ZNF407: variants seen among roughly 807,000 people sequenced by gnomAD.
ZNF407 encodes zinc finger protein 407.
In ZNF407, 17 loss-of-function variants were observed where a neutral mutation model predicts 131.2. The observed-to-expected ratio is 0.13, with a 90% confidence interval of 0.09 to 0.19. The LOEUF is 0.19. ZNF407 is among the 10% of genes least tolerant of loss of function. ZNF407 has a pLI of 1.00. For synonymous variants in ZNF407, 1,156 were observed against 1,062.0 expected (o/e 1.09, Z -1.72); for missense variants, 2,681 against 2,830.6 (o/e 0.95, Z 1.20).
chr18:75,032,931 T>TA, intron 8 of ZNF407, among the ~76,000 whole-genome samples: 1 of 100,482 alleles, frequency 1.0e-5, no homozygotes, highest in East Asian at 3.1e-4. Flanking sequence ...GTGCTCGGAA[T>TA]GGGGGAAGAT....
chr18:74,872,578 A>G (rs137873004), intron 4 of ZNF407, among the ~76,000 whole-genome samples: 231 of 152,058 alleles, frequency 1.5e-3, no homozygotes, highest in African/African-American at 5.1e-3. Flanking sequence ...TGTGGCCAAC[A>G]TGGTGAAACC....
At chr18:74,891,658 CAT>C (rs1188335865) in intron 7 of ZNF407, among the ~76,000 whole-genome samples, 3 of 152,144 alleles carry the variant, frequency 2.0e-5, no homozygotes, top group South Asian at 2.1e-4. Flanking sequence ...TAGAGGTAGA[CAT>C]AGAAATTCTA....
At chr18:74,978,568 A>G (rs985688217) in intron 8 of ZNF407, among the ~76,000 whole-genome samples, 8 of 152,132 alleles carry the variant, frequency 5.3e-5, no homozygotes, top group African/African-American at 1.9e-4. Context: ...GACGGGTTGC[A>G]GATGACTTCC....
intron 8 of ZNF407, among the ~76,000 whole-genome samples, chr18:75,046,002 C>T (rs916949450): frequency 7.2e-5 from 11 of 152,180 alleles, no homozygotes; most frequent in Non-Finnish European, 1.0e-4. Context: ...CCAACCAGCT[C>T]CAACATGGCT....
intron 3 of ZNF407, among the ~76,000 whole-genome samples, chr18:74,702,520 G>A (rs1177645917): frequency 3.3e-5 from 5 of 151,984 alleles, no homozygotes; most frequent in South Asian, 2.1e-4. Context: ...TGAATATTCT[G>A]CTTTGAGTAG....
chr18:74,937,752 A>G (rs1441912111), intron 8 of ZNF407, among the ~76,000 whole-genome samples: 1 of 152,228 alleles, frequency 6.6e-6, no homozygotes, highest in Non-Finnish European at 1.5e-5. Context: ...GGATTTGCTT[A>G]GCAAAATACA....
intron 8 of ZNF407, among the ~76,000 whole-genome samples, chr18:75,060,544 C>T (rs1192398598): frequency 5.7e-5 from 7 of 122,206 alleles, no homozygotes; most frequent in Admixed American, 4.6e-4. Flanking sequence ...CTCGCTCTGT[C>T]GCCCAGGCTG....
At chr18:74,960,134 CTT>C (rs1972322128) in intron 8 of ZNF407, among the ~76,000 whole-genome samples, 1 of 152,220 alleles carries the variant, frequency 6.6e-6, no homozygotes, top group Admixed American at 6.5e-5. Context: ...AAAAGTGCCT[CTT>C]TTTGGCACTT....
In ZNF407 at chr18:74,856,087, C is replaced by T. The variant is rs148622220; in HGVS notation, c.4878-21110C>T. ...TGTTTTGTTCGGACTTTTTTTGTTC[C>T]AGTGAGGAGAAGGAAATAAAAGCAA... On this transcript the variant is annotated intron_variant, in intron 4 of 8. Coordinates refer to ENST00000299687, the MANE Select transcript of ZNF407 (RefSeq NM_017757.3). Among the ~76,000 whole-genome samples, 316 of 152,112 alleles carry T rather than the reference C, an allele frequency of 2.1e-3. 1 individual carries two copies. The highest frequency in any genetic ancestry group is 0.014 in the Middle Eastern group (4 of 294).
chr18:74,600,668 A>C (rs1238154271), intron 1 of ZNF407, among the ~76,000 whole-genome samples: 4 of 152,222 alleles, frequency 2.6e-5, no homozygotes, highest in Non-Finnish European at 4.4e-5. Context: ...CCAGAGAATG[A>C]ACAGGAACTC....
At chr18:74,916,973 T>C (rs1568268753) in intron 7 of ZNF407, among the ~76,000 whole-genome samples, 1 of 152,124 alleles carries the variant, frequency 6.6e-6, no homozygotes, top group East Asian at 1.9e-4. Flanking sequence ...GAGAACCTCT[T>C]CTTCTTCTTG....
rs1984120682 is a variant in ZNF407 at position 74,632,003 on chromosome 18, A to G, written c.984A>G (p.Lys328=). ...TACGAAATGTGGGAAGCACGTTTAA[A>G]GATTTCAGAGGAAGTATTTCTAAAC... ...KGLRNVGSTF[K]DFRGSISKQS... Residue 328 remains lysine (K), a synonymous_variant, in exon 2 of 9, where the codon AAA becomes AAG. Transcript: ENST00000299687. 6.2e-7 allele frequency: 1 copy of G among 1,613,850 alleles called. No homozygotes were observed. The highest frequency in any genetic ancestry group is 1.3e-5 in the African/African-American group (1 of 74,934).
intron 3 of ZNF407, among the ~76,000 whole-genome samples, chr18:74,718,400 T>C (rs1967948788): frequency 6.6e-6 from 1 of 152,010 alleles, no homozygotes; most frequent in Non-Finnish European, 1.5e-5. Context: ...GGTGCGTGCC[T>C]ATAGTCCCAG....
At chr18:74,707,254 A>G (rs1967648794) in intron 3 of ZNF407, among the ~76,000 whole-genome samples, 1 of 152,094 alleles carries the variant, frequency 6.6e-6, no homozygotes, top group Non-Finnish European at 1.5e-5. Context: ...CCCAGCTAGC[A>G]GTTGTTTCAT....
intron 3 of ZNF407, among the ~76,000 whole-genome samples, chr18:74,695,818 G>T (rs2144809889): frequency 6.6e-6 from 1 of 152,268 alleles, no homozygotes; most frequent in Non-Finnish European, 1.5e-5. Context: ...GTGAAACAGA[G>T]ATACAGTAAT....
intron 8 of ZNF407, among the ~76,000 whole-genome samples, chr18:75,010,156 G>T (rs1472857615): frequency 2.0e-5 from 3 of 152,156 alleles, no homozygotes; most frequent in Non-Finnish European, 4.4e-5. Flanking sequence ...CTGATCGTGT[G>T]TTTGCTAATA....
Position 74,634,194 on chromosome 18 carries a change from C to T in ZNF407, c.3175C>T (p.Arg1059Cys), listed in dbSNP as rs1984308358. The stretch of plus-strand genomic sequence containing the variant: ...ATGCGATTACTACGCGGTGACTCGT[C>T]GCGAGATGACCAGGCATGCAGCAAC... ...MACDYYAVTR[R>C]EMTRHAATEK... The change falls in exon 2 of 9, where the codon CGC (arginine) becomes TGC (cysteine). Residue 1059 changes from arginine to cysteine, a missense_variant. Arg to Cys is a radical substitution (Grantham distance 180). Coordinates refer to ENST00000299687, the MANE Select transcript of ZNF407 (RefSeq NM_017757.3). The T allele has an allele frequency of 5.0e-6, 8 of 1,613,828 alleles. No homozygotes were observed. The highest frequency in any genetic ancestry group is 2.2e-5 in the East Asian group (1 of 44,900).
chr18:74,758,524 A>G (rs533116152), intron 3 of ZNF407, among the ~76,000 whole-genome samples: 11 of 152,302 alleles, frequency 7.2e-5, no homozygotes, highest in African/African-American at 2.4e-4. Flanking sequence ...ACAAATTTGT[A>G]ATTACTGTTT....
chr18:74,613,611 A>G (rs1983158002), intron 1 of ZNF407, among the ~76,000 whole-genome samples: 1 of 152,234 alleles, frequency 6.6e-6, no homozygotes, highest in African/African-American at 2.4e-5. Flanking sequence ...TAGTACTTGT[A>G]GGAGATCCCT....
Sources: gnomAD v4.1 joint callset for allele counts (sites outside exome capture counted in the v4.1 genomes callset) on GRCh38, gnomAD v4.1.1 for gene constraint, MANE v1.5 for transcripts, NCBI Gene and HGNC (gene_info 2026-07-23, HGNC 2026-07-21) for gene names.